FHL2: variants seen among roughly 807,000 people sequenced by gnomAD.
The protein encoded by FHL2 is four and a half LIM domains 2, also known as four and a half LIM domains protein 2.
In FHL2, 20 loss-of-function variants were observed where a neutral mutation model predicts 32.7. That is an observed-to-expected ratio of 0.61 (90% CI 0.43 to 0.89). The LOEUF (loss-of-function observed/expected upper bound fraction) is 0.89, where lower values mean the gene tolerates loss of function less well. FHL2 is among the 40% of genes least tolerant of loss of function. The probability of loss-of-function intolerance (pLI) is 0.00; values close to 1 mark genes in which losing one functional copy is unlikely to be tolerated. For missense variants in FHL2, 311 were observed against 358.6 expected (o/e 0.87, Z 1.07); for synonymous variants, 123 against 128.1 (o/e 0.96, Z 0.27).
intron 1 of FHL2, among the ~76,000 whole-genome samples, chr2:105,417,464 T>TG (rs1281236907): frequency 6.6e-6 from 1 of 151,996 alleles, no homozygotes; most frequent in Non-Finnish European, 1.5e-5. Flanking sequence ...GCGGGCAGAT[T>TG]GTCTGAGCTC....
At chr2:105,386,334 G>C in intron 3 of FHL2, 27 bp downstream of exon 3, 1 of 1,609,244 alleles carries the variant, frequency 6.2e-7, no homozygotes, top group East Asian at 2.2e-5. Context: ...GGAGCGCCGG[G>C]GACCCGCAGA....
chr2:105,374,681 C>T (rs1332558876), intron 3 of FHL2, among the ~76,000 whole-genome samples: 1 of 152,116 alleles, frequency 6.6e-6, no homozygotes, highest in Non-Finnish European at 1.5e-5. Flanking sequence ...CTTCATCTTG[C>T]CTGAGGAATA....
At chr2:105,395,374 C>T (rs75666628) in intron 2 of FHL2, among the ~76,000 whole-genome samples, 1,605 of 152,294 alleles carry the variant, frequency 0.011, 21 homozygotes, top group African/African-American at 0.036. Flanking sequence ...ACCTACAAAA[C>T]GAAAACCACC....
At chr2:105,429,684 G>A (rs907074908) in intron 1 of FHL2, among the ~76,000 whole-genome samples, 4 of 152,216 alleles carry the variant, frequency 2.6e-5, no homozygotes, top group African/African-American at 9.7e-5. Flanking sequence ...GTTGCTTTAA[G>A]ACAGTAAGTT....
chr2:105,383,485 T>C (rs1292392367), intron 3 of FHL2, among the ~76,000 whole-genome samples: 1 of 152,238 alleles, frequency 6.6e-6, no homozygotes, highest in Non-Finnish European at 1.5e-5. Flanking sequence ...GTTCAAACTA[T>C]ATAACAGGCT....
intron 5 of FHL2, among the ~76,000 whole-genome samples, chr2:105,365,662 C>A (rs1295368084): frequency 6.7e-6 from 1 of 149,744 alleles, no homozygotes; most frequent in Admixed American, 6.6e-5. Context: ...AAGTGAGACA[C>A]CGTCTCTACT....
chr2:105,373,348 G>A lies in FHL2; in HGVS notation c.331+211C>T, dbSNP rs553391261. Reference sequence around the variant, plus strand: ...ATTTGACTGCATAACACTGCCCCACGTGCACAGCAAAAAGATCCCGTTACT... The same window carrying A: ...ATTTGACTGCATAACACTGCCCCACATGCACAGCAAAAAGATCCCGTTACT... On this transcript the variant is annotated intron_variant, in intron 4 of 6. Transcript: ENST00000530340. Among the ~76,000 whole-genome samples the A allele has an allele frequency of 5.3e-5, 8 of 152,278 alleles. No homozygotes were observed. The East Asian group carries it at 1.2e-3, about 22-fold the overall frequency.
intron 2 of FHL2, among the ~76,000 whole-genome samples, chr2:105,386,988 C>G (rs1682371192): frequency 6.6e-6 from 1 of 152,100 alleles, no homozygotes; most frequent in Non-Finnish European, 1.5e-5. Flanking sequence ...TGGTCTCAAA[C>G]TCCTGACCTC....
Position 105,363,372 on chromosome 2 carries a change from T to C in FHL2, c.601A>G (p.Thr201Ala), listed in dbSNP as rs1159554422. 2 of 1,614,172 alleles carry C rather than the reference T, an allele frequency of 1.2e-6. No homozygotes were observed. The highest frequency in any genetic ancestry group is 1.3e-5 in the African/African-American group (1 of 75,056). The change falls in exon 6 of 7, where the codon ACA becomes GCA. Residue 201 changes from threonine to alanine, a missense_variant. By Grantham distance (58) the Thr-to-Ala change is moderately conservative. Transcript: ENST00000530340. Reference protein sequence around the residue: ...CRKQLSGQRFTARDDFAYCLN... With the variant: ...CRKQLSGQRFAARDDFAYCLN... ...CAGTAGGCAAAGTCATCGCGAGCTGTGAAGCGCTGCCCAGACAGCTGCTTC... is the reference window on the plus strand; with the variant it reads ...CAGTAGGCAAAGTCATCGCGAGCTGCGAAGCGCTGCCCAGACAGCTGCTTC...
At chr2:105,396,928 A>G (rs1683170325) in intron 1 of FHL2, 4 of 505,412 alleles carry the variant, frequency 7.9e-6, no homozygotes, top group Non-Finnish European at 1.0e-5. Flanking sequence ...CGGTGCTGAC[A>G]AAGGAGGCTG....
At chr2:105,373,265 G>A (rs140075444) in intron 4 of FHL2, among the ~76,000 whole-genome samples, 91 of 152,300 alleles carry the variant, frequency 6.0e-4, no homozygotes, top group African/African-American at 2.1e-3. Context: ...GGGAGAGTGG[G>A]GGCTGATGCA....
At chr2:105,414,271 C>G (rs1683870603) in intron 1 of FHL2, among the ~76,000 whole-genome samples, 1 of 152,228 alleles carries the variant, frequency 6.6e-6, no homozygotes, top group Non-Finnish European at 1.5e-5. Context: ...GGACACCCAT[C>G]TGAACCCTGC....
Position 105,361,291 on chromosome 2 carries a change from C to G in FHL2, c.832G>C (p.Asp278His). Residue 278 changes from aspartate to histidine, a missense_variant, in exon 7 of 7, where the codon GAC becomes CAC. Coordinates refer to ENST00000530340, the MANE Select transcript of FHL2 (RefSeq NM_001318895.3). ...ACTTCTCTGTGTTGAATTCAGATGT[C>G]TTTCCCACAGTCGGGGCACAGGATG... ...DDILCPDCGKDI is the reference protein window; with the variant it reads ...DDILCPDCGKHI 1.2e-6 allele frequency: 2 copies of G among 1,612,902 alleles called. No individual in the cohort carries two copies. Among genetic ancestry groups the G allele is most frequent in the Non-Finnish European group, 1.7e-6 (2 of 1,179,530 alleles).
At chr2:105,410,661 C>T (rs953004399) in intron 1 of FHL2, among the ~76,000 whole-genome samples, 17 of 152,082 alleles carry the variant, frequency 1.1e-4, no homozygotes, top group African/African-American at 3.1e-4. Flanking sequence ...CTTTCTCAGA[C>T]GAGAAGGATT....
At chr2:105,419,254 T>C (rs1486687260) in intron 1 of FHL2, among the ~76,000 whole-genome samples, 1 of 152,158 alleles carries the variant, frequency 6.6e-6, no homozygotes, top group South Asian at 2.1e-4. Context: ...TGGTGTTTGG[T>C]TACGTAAGTA....
chr2:105,414,762 AG>A (rs1558727564), intron 1 of FHL2, among the ~76,000 whole-genome samples: 1 of 152,238 alleles, frequency 6.6e-6, no homozygotes, highest in African/African-American at 2.4e-5. Flanking sequence ...CATGTTGGCC[AG>A]GCTGGTCTCC....
intron 6 of FHL2, 83 bp downstream of exon 6, chr2:105,363,202 T>C: frequency 7.3e-7 from 1 of 1,375,692 alleles, no homozygotes; most frequent in African/African-American, 1.4e-5. Context: ...AGTTGAGGGA[T>C]ATAGACAGGG....
chr2:105,390,965 T>TTGTG (rs1258145369), intron 2 of FHL2, among the ~76,000 whole-genome samples: 21 of 151,252 alleles, frequency 1.4e-4, no homozygotes, highest in Middle Eastern at 3.4e-3. Context: ...CTCAGCTAAT[T>TTGTG]TGTGTGTGTG....
chr2:105,366,784 C>T (rs1159598845), intron 5 of FHL2, among the ~76,000 whole-genome samples: 3 of 152,156 alleles, frequency 2.0e-5, no homozygotes, highest in East Asian at 1.9e-4. Context: ...CTCGCTCAGT[C>T]GCCCAGGCTG....
Sources: gnomAD v4.1 joint callset for allele counts (sites outside exome capture counted in the v4.1 genomes callset) on GRCh38, gnomAD v4.1.1 for gene constraint, MANE v1.5 for transcripts, NCBI Gene and HGNC (gene_info 2026-07-23, HGNC 2026-07-21) for gene names.